Variants in JARID2 observed in about 807,000 individuals in gnomAD.
JARID2 encodes the protein jumonji and AT-rich interaction domain containing 2.
A neutral mutation model predicts 125.6 loss-of-function variants in JARID2; 21 were observed. The ratio of observed to expected loss-of-function variants is 0.17; its 90% CI spans 0.12 to 0.24. The LOEUF is 0.24. Among genes scored for constraint, JARID2 ranks in the 10% least tolerant of loss-of-function variants. The pLI is 1.00. For synonymous variants in JARID2, 736 were observed against 661.6 expected (o/e 1.11, Z -1.73); for missense variants, 1,303 against 1,639.6 (o/e 0.79, Z 3.55).
chr6:15,401,197 C>T (rs533441754), intron 2 of JARID2, among the ~76,000 whole-genome samples: 1 of 151,732 alleles, frequency 6.6e-6, no homozygotes, highest in Non-Finnish European at 1.5e-5. Context: ...AAAAGTGTTG[C>T]AATTTGCTTA....
chr6:15,509,024 G>A (rs1313099753), intron 12 of JARID2: 1 of 1,289,302 alleles, frequency 7.8e-7, no homozygotes, highest in East Asian at 5.6e-5. Flanking sequence ...GAGTTGACTT[G>A]GGAATCTCGT....
chr6:15,452,136 C>A lies in JARID2; in HGVS notation c.454C>A (p.Pro152Thr). 3 of 1,614,092 alleles carry A rather than the reference C, an allele frequency of 1.9e-6. No homozygotes were observed. Among genetic ancestry groups the A allele is most frequent in the Non-Finnish European group, 2.5e-6 (3 of 1,180,014 alleles). Residue 152 changes from proline (P) to threonine (T), a missense_variant, in exon 4 of 18, where the codon CCT becomes ACT. Around this residue, in one of 11 missense-constraint regions of JARID2, gnomAD observed 5 missense variants for 18.5 expected, o/e 0.27. Coordinates refer to ENST00000341776, the MANE Select transcript of JARID2 (RefSeq NM_004973.4). ...GATATCAGACCTCTCTAAAAGGAAG[C>A]CTAAGACAGAAGATTTTCTTACCTT... ...TQISDLSKRK[P>T]KTEDFLTFLC...
At chr6:15,462,748 G>A (rs549884574) in intron 4 of JARID2, among the ~76,000 whole-genome samples, 1 of 152,200 alleles carries the variant, frequency 6.6e-6, no homozygotes, top group Non-Finnish European at 1.5e-5. Context: ...ACAGCCAAGC[G>A]ATGTTTCGCT....
At chr6:15,423,628 A>T (rs1387876608) in intron 3 of JARID2, among the ~76,000 whole-genome samples, 1 of 151,992 alleles carries the variant, frequency 6.6e-6, no homozygotes, top group East Asian at 1.9e-4. Flanking sequence ...AATTGTTACT[A>T]CCTAGATCAG....
chr6:15,265,640 G>GGTCTTTTC (rs1760055484), intron 1 of JARID2, among the ~76,000 whole-genome samples: 3 of 152,160 alleles, frequency 2.0e-5, no homozygotes, highest in Non-Finnish European at 4.4e-5. Context: ...AGCCCCATTG[G>GGTCTTTTC]ACAGGTCACT....
chr6:15,375,578 G>A (rs1446066805), intron 2 of JARID2, among the ~76,000 whole-genome samples: 2 of 152,220 alleles, frequency 1.3e-5, no homozygotes, highest in African/African-American at 4.8e-5. Flanking sequence ...GCCTTGTTCT[G>A]TGGGTCTCCA....
Position 15,496,610 on chromosome 6 carries a change from G to T in JARID2, c.1385G>T (p.Gly462Val). Residue 462 changes from glycine to valine, a missense_variant, in exon 7 of 18, where the codon GGG becomes GTG. Coordinates refer to ENST00000341776, the MANE Select transcript of JARID2 (RefSeq NM_004973.4). ...CAGTCGCCCCCCAAGAAGATGAAAG[G>T]GGCGGCTGGCCCCGCCGAAGGCCCT... is the stretch of plus-strand genomic sequence containing the variant. Reference protein sequence around the residue: ...KPQSPPKKMKGAAGPAEGPGK... With the variant: ...KPQSPPKKMKVAAGPAEGPGK... The T allele has an allele frequency of 6.2e-7, 1 of 1,606,166 alleles. No individual in the cohort carries two copies. The highest frequency in any genetic ancestry group is 8.5e-7 in the Non-Finnish European group (1 of 1,177,480).
At chr6:15,338,375 G>A (rs143640865) in intron 1 of JARID2, among the ~76,000 whole-genome samples, 133 of 152,318 alleles carry the variant, frequency 8.7e-4, no homozygotes, top group African/African-American at 3.1e-3. Flanking sequence ...GGAAAAATGC[G>A]TCGTAGCCCT....
In JARID2 at chr6:15,332,594, T is replaced by C. The variant is rs578135419; in HGVS notation, c.46-41523T>C. The stretch of plus-strand genomic sequence containing the variant: ...CTCCAGGAGAAGAGACCACAGTGTT[T>C]AGAAAAAGAAATTGGCTTGCAGCTG... On this transcript the variant is annotated intron_variant, in intron 1 of 17. Coordinates refer to ENST00000341776, the MANE Select transcript of JARID2 (RefSeq NM_004973.4). Among the ~76,000 whole-genome samples the C allele has an allele frequency of 9.2e-5, 14 of 152,306 alleles. No individual in the cohort carries two copies. In the East Asian group the frequency reaches 2.7e-3, roughly 29 times the overall value.
intron 1 of JARID2, among the ~76,000 whole-genome samples, chr6:15,343,650 C>G (rs569857399): frequency 2.6e-5 from 4 of 152,080 alleles, no homozygotes; most frequent in African/African-American, 9.7e-5. Context: ...CACTGTGTCC[C>G]CCAACATTGA....
intron 1 of JARID2, among the ~76,000 whole-genome samples, chr6:15,262,533 A>ATTTT (rs35864895): frequency 8.6e-6 from 1 of 116,486 alleles, no homozygotes; most frequent in Non-Finnish European, 1.8e-5. Flanking sequence ...TGGTTTGGCT[A>ATTTT]TTTTTTTTTT....
intron 14 of JARID2, among the ~76,000 whole-genome samples, chr6:15,512,605 C>T (rs1257828942): frequency 6.6e-6 from 1 of 151,974 alleles, no homozygotes; most frequent in Non-Finnish European, 1.5e-5. Flanking sequence ...TTGATCAGAC[C>T]GTTACTGACA....
At chr6:15,420,659 G>A (rs1581538260) in intron 3 of JARID2, among the ~76,000 whole-genome samples, 1 of 152,244 alleles carries the variant, frequency 6.6e-6, no homozygotes, top group African/African-American at 2.4e-5. Flanking sequence ...TTCTCTGGCT[G>A]TGGGAAATGT....
At chr6:15,342,763 A>ACACT (rs1763110635) in intron 1 of JARID2, among the ~76,000 whole-genome samples, 1 of 152,174 alleles carries the variant, frequency 6.6e-6, no homozygotes, top group Non-Finnish European at 1.5e-5. Context: ...TTCAAAGTGA[A>ACACT]CATTATTATG....
At chr6:15,312,603 C>T (rs1279757610) in intron 1 of JARID2, among the ~76,000 whole-genome samples, 1 of 152,162 alleles carries the variant, frequency 6.6e-6, no homozygotes, top group Admixed American at 6.5e-5. Flanking sequence ...GATGGAAGCA[C>T]TTTTGTGTCT....
chr6:15,398,313 G>A (rs142679780), intron 2 of JARID2, among the ~76,000 whole-genome samples: 33 of 152,300 alleles, frequency 2.2e-4, no homozygotes, highest in African/African-American at 7.5e-4. Flanking sequence ...AACTTAGATG[G>A]TGGTGCCTTC....
intron 5 of JARID2, among the ~76,000 whole-genome samples, chr6:15,472,591 C>A (rs923738393): frequency 2.0e-5 from 3 of 152,150 alleles, no homozygotes; most frequent in African/African-American, 7.2e-5. Context: ...AGCAGAGTCC[C>A]AGAACTACCA....
At chr6:15,430,251 C>T (rs917562293) in intron 3 of JARID2, among the ~76,000 whole-genome samples, 12 of 152,146 alleles carry the variant, frequency 7.9e-5, no homozygotes, top group Non-Finnish European at 1.3e-4. Flanking sequence ...TCTTTATCTT[C>T]CTGGAGTTTA....
rs577658617 is a variant in JARID2, at chr6:15,361,384, C to T, written c.46-12733C>T. Among the ~76,000 whole-genome samples, 6 of 152,288 alleles carry T rather than the reference C, an allele frequency of 3.9e-5. No individual in the cohort carries two copies. The South Asian group carries it at 8.3e-4, about 21-fold the overall frequency. ...TGCTCCGAAGTCTCCAGTGGTTTCC[C>T]ATTTAGAGCAAATTTCTTATCTCCC... On this transcript the variant is annotated intron_variant, in intron 1 of 17. Coordinates refer to ENST00000341776, the MANE Select transcript of JARID2 (RefSeq NM_004973.4).
Sources: allele counts gnomAD v4.1 joint callset (sites outside exome capture counted in the v4.1 genomes callset), GRCh38; gene constraint gnomAD v4.1.1; regional missense constraint gnomAD v4.1.1; transcripts MANE v1.5; gene names NCBI Gene and HGNC (gene_info 2026-07-23, HGNC 2026-07-21).